SCOC: variants seen among roughly 807,000 people sequenced by gnomAD.
The protein encoded by SCOC is short coiled-coil protein.
SCOC carries 7 observed loss-of-function variants against 9.9 expected under a neutral mutation model. That is an observed-to-expected ratio of 0.71 (90% CI 0.40 to 1.33). The LOEUF (loss-of-function observed/expected upper bound fraction) is 1.33, where lower values mean the gene tolerates loss of function less well. SCOC is among the 40% of genes most tolerant of loss of function. The pLI, the probability that SCOC is intolerant of heterozygous loss-of-function variation, is 0.01. For missense variants in SCOC, 66 were observed against 89.7 expected, an observed-to-expected ratio of 0.74 and a Z score of 1.07; for synonymous variants, 19 against 28.2, an observed-to-expected ratio of 0.67 and a Z score of 1.03.
intron 1 of SCOC, among the ~76,000 whole-genome samples, chr4:140,302,962 A>C (rs1731855719): frequency 6.7e-6 from 1 of 149,564 alleles, no homozygotes; most frequent in Non-Finnish European, 1.5e-5. Context: ...TTATGTTTGA[A>C]AAATTTACTT....
At chr4:140,339,005 C>T (rs1157489782), upstream of SCOC, among the ~76,000 whole-genome samples, 2 of 152,138 alleles carry the variant, frequency 1.3e-5, no homozygotes, top group East Asian at 1.9e-4. Flanking sequence ...AATCCTAAGC[C>T]AAAAGAACAA....
intron 1 of SCOC, among the ~76,000 whole-genome samples, chr4:140,293,036 A>G (rs1372602317): frequency 6.6e-6 from 1 of 152,208 alleles, no homozygotes; most frequent in Non-Finnish European, 1.5e-5. Flanking sequence ...CTGTATGTCA[A>G]CTGCTCTTGG....
chr4:140,288,131 C>T (rs1249359546), intron 1 of SCOC, among the ~76,000 whole-genome samples: 1 of 152,046 alleles, frequency 6.6e-6, no homozygotes, highest in East Asian at 1.9e-4. Flanking sequence ...ATGCACCACA[C>T]ACAGCACACA....
intron 2 of SCOC, among the ~76,000 whole-genome samples, chr4:140,347,427 A>T (rs1210775376): frequency 6.6e-6 from 1 of 152,062 alleles, no homozygotes; most frequent in Admixed American, 6.5e-5. Context: ...GACGGCATTG[A>T]TCTCTCCTTC....
chr4:140,339,744 C>T (rs1241978693), upstream of SCOC, among the ~76,000 whole-genome samples: 1 of 152,190 alleles, frequency 6.6e-6, no homozygotes, highest in Non-Finnish European at 1.5e-5. Flanking sequence ...ATCAAAACCA[C>T]AATGAGATAC....
chr4:140,382,444 T>C lies in SCOC; in HGVS notation c.*1340T>C, dbSNP rs138314431. 77 of 152,742 alleles carry C rather than the reference T, an allele frequency of 5.0e-4. No homozygotes were observed. The highest frequency in any genetic ancestry group is 1.8e-3 in the African/African-American group (74 of 41,564). The allele number at this position is 152,742 out of a possible 1,614,324, so 9.5% of individuals were successfully genotyped here. Reference sequence around the variant, plus strand: ...ATGAATGACTTTAGCTGTGTGAATATATAATAGTCAAACTGCAAACATTTT... The same window carrying C: ...ATGAATGACTTTAGCTGTGTGAATACATAATAGTCAAACTGCAAACATTTT... On this transcript the variant is annotated 3_prime_UTR_variant, in exon 4 of 4. Coordinates refer to ENST00000608372, the MANE Select transcript of SCOC (RefSeq NM_001153484.2).
At chr4:140,281,358 C>T (rs1460999113) in intron 1 of SCOC, among the ~76,000 whole-genome samples, 2 of 152,042 alleles carry the variant, frequency 1.3e-5, no homozygotes, top group Non-Finnish European at 2.9e-5. Context: ...AGGGTTCTCC[C>T]TTAACAGTGA....
intron 1 of SCOC, 140 bp from the exon 2 acceptor site, chr4:140,378,981 C>T (rs990807857): frequency 5.0e-6 from 3 of 602,570 alleles, no homozygotes; most frequent in Non-Finnish European, 9.0e-6. Flanking sequence ...CTTATTTACC[C>T]ATTAGGCATT....
chr4:140,361,847 C>T (rs1727484568), intron 2 of SCOC, among the ~76,000 whole-genome samples: 2 of 152,068 alleles, frequency 1.3e-5, no homozygotes, highest in Non-Finnish European at 2.9e-5. Flanking sequence ...ATGAAAGCTA[C>T]AAGATACTTT....
At chr4:140,352,156 C>T (rs1488712848) in intron 2 of SCOC, among the ~76,000 whole-genome samples, 1 of 152,188 alleles carries the variant, frequency 6.6e-6, no homozygotes, top group Non-Finnish European at 1.5e-5. Flanking sequence ...TCTTTACACC[C>T]TCCAATGAAT....
intron 1 of SCOC, among the ~76,000 whole-genome samples, chr4:140,302,218 CT>C (rs569391345): frequency 2.0e-5 from 3 of 150,834 alleles, no homozygotes; most frequent in African/African-American, 4.9e-5. Context: ...TTTGAGTCAG[CT>C]TTTTTTTTCA....
intron 2 of SCOC, among the ~76,000 whole-genome samples, chr4:140,358,128 T>A (rs764355095): frequency 3.9e-5 from 6 of 152,202 alleles, no homozygotes; most frequent in Non-Finnish European, 5.9e-5. Context: ...CTCCCTATTG[T>A]ATTGATGGCT....
intron 2 of SCOC, among the ~76,000 whole-genome samples, chr4:140,344,627 T>C (rs1425230085): frequency 6.6e-6 from 1 of 152,072 alleles, no homozygotes; most frequent in Non-Finnish European, 1.5e-5. Flanking sequence ...TCTTTGGAAA[T>C]CAAAGAGGAG....
intron 1 of SCOC, among the ~76,000 whole-genome samples, chr4:140,257,956 A>G (rs1730547334): frequency 6.6e-6 from 1 of 152,216 alleles, no homozygotes; most frequent in African/African-American, 2.4e-5. Context: ...GGAATTGGTG[A>G]CAAGCTGGCA....
At chr4:140,275,824 T>G (rs542225464) in intron 1 of SCOC, among the ~76,000 whole-genome samples, 15 of 148,358 alleles carry the variant, frequency 1.0e-4, no homozygotes, top group South Asian at 6.6e-4. Context: ...AGGTTTGTTT[T>G]TTTTTTTTTT....
rs1395261058 is a variant in SCOC at position 140,383,265 on chromosome 4, TC to T, written c.*2164del. On this transcript the variant is annotated 3_prime_UTR_variant, in exon 4 of 4. Transcript: ENST00000608372. ...GTATCTTCCCTTACACAGAAAGTAA[TC>T]CCTCTTCATCCAGCTAGTGATTCAG... The T allele has an allele frequency of 6.6e-6, 1 of 152,156 alleles. No homozygotes were observed. Among genetic ancestry groups the T allele is most frequent in the Non-Finnish European group, 1.5e-5 (1 of 68,036 alleles). The allele number at this position is 152,156 out of a possible 1,614,324, so 9.4% of individuals were successfully genotyped here.
chr4:140,269,749 G>T (rs546590070), intron 1 of SCOC, among the ~76,000 whole-genome samples: 2 of 152,190 alleles, frequency 1.3e-5, no homozygotes, highest in African/African-American at 4.8e-5. Flanking sequence ...ATTCACAAAG[G>T]TACCTTTTTT....
At chr4:140,278,703 G>A (rs905116794) in intron 1 of SCOC, among the ~76,000 whole-genome samples, 29 of 152,096 alleles carry the variant, frequency 1.9e-4, no homozygotes, top group African/African-American at 6.8e-4. Flanking sequence ...TATACATTTT[G>A]GAGGGACACA....
chr4:140,350,625 C>A (rs1193094997), intron 2 of SCOC, among the ~76,000 whole-genome samples: 4 of 152,164 alleles, frequency 2.6e-5, no homozygotes, highest in Non-Finnish European at 5.9e-5. Flanking sequence ...AGAATTGGCA[C>A]AGGGGAGTGT....
Sources: gnomAD v4.1 joint callset for allele counts (sites outside exome capture counted in the v4.1 genomes callset) on GRCh38, gnomAD v4.1.1 for gene constraint, MANE v1.5 for transcripts, NCBI Gene and HGNC (gene_info 2026-07-23, HGNC 2026-07-21) for gene names.